The following PTPRM variants were observed in gnomAD, a reference collection of about 807,000 sequenced individuals.
The protein encoded by PTPRM is receptor-type tyrosine-protein phosphatase mu.
A neutral mutation model predicts 186.7 loss-of-function variants in PTPRM; 47 were observed. That is an observed-to-expected ratio of 0.25 (90% CI 0.20 to 0.32). The LOEUF (loss-of-function observed/expected upper bound fraction) is 0.32. Ranked by LOEUF, PTPRM falls within the 10% of genes least tolerant of loss-of-function variation. The pLI is 1.00. For missense variants in PTPRM, 1,494 were observed against 1,865.0 expected (o/e 0.80, Z 3.66); for synonymous variants, 668 against 674.9 (o/e 0.99, Z 0.16).
chr18:8,197,832 A>C (rs1255896434), intron 14 of PTPRM, among the ~76,000 whole-genome samples: 1 of 152,174 alleles, frequency 6.6e-6, no homozygotes, highest in African/African-American at 2.4e-5. Flanking sequence ...AATATTCTCT[A>C]ATTCTTTGAT....
At chr18:7,728,343 T>C (rs2040589534) in intron 1 of PTPRM, among the ~76,000 whole-genome samples, 1 of 152,146 alleles carries the variant, frequency 6.6e-6, no homozygotes. Flanking sequence ...GGGTGGAATT[T>C]ATTAACCTCT....
At chr18:7,678,418 C>T (rs1473187561) in intron 1 of PTPRM, among the ~76,000 whole-genome samples, 1 of 152,164 alleles carries the variant, frequency 6.6e-6, no homozygotes, top group Non-Finnish European at 1.5e-5. Context: ...GGATGGAGTT[C>T]TGTATATGAG....
chr18:7,880,498 A>G (rs944374876), intron 2 of PTPRM, among the ~76,000 whole-genome samples: 1 of 152,150 alleles, frequency 6.6e-6, no homozygotes, highest in African/African-American at 2.4e-5. Context: ...TAAGTATTTT[A>G]TGTTTGTAGG....
chr18:7,716,457 C>T (rs2040333878), intron 1 of PTPRM, among the ~76,000 whole-genome samples: 3 of 152,106 alleles, frequency 2.0e-5, no homozygotes, highest in African/African-American at 7.2e-5. Flanking sequence ...ACACCAAAAG[C>T]AATGGCAACA....
chr18:8,064,733 C>A (rs2088922570), intron 7 of PTPRM, among the ~76,000 whole-genome samples: 1 of 152,214 alleles, frequency 6.6e-6, no homozygotes. Context: ...CTGGAAAGCA[C>A]TGACCAATTG....
chr18:7,819,419 A>C (rs971992647), intron 2 of PTPRM, among the ~76,000 whole-genome samples: 1 of 43,304 alleles, frequency 2.3e-5, no homozygotes, highest in African/African-American at 4.5e-5. Context: ...GCACACCGAC[A>C]AAAGAGCACA....
At chr18:8,017,334 T>G (rs1419901899) in intron 7 of PTPRM, among the ~76,000 whole-genome samples, 2 of 152,078 alleles carry the variant, frequency 1.3e-5, no homozygotes, top group African/African-American at 4.8e-5. Context: ...GTCAGGAGTT[T>G]GGGACCAGCC....
intron 2 of PTPRM, among the ~76,000 whole-genome samples, chr18:7,778,514 T>G (rs780880643): frequency 6.6e-6 from 1 of 152,042 alleles, no homozygotes; most frequent in Non-Finnish European, 1.5e-5. Context: ...CAGGCTGGAG[T>G]GAAGTGGCAC....
intron 23 of PTPRM, chr18:8,361,029 C>G (rs1374653962): frequency 1.3e-5 from 2 of 152,164 alleles, no homozygotes; most frequent in East Asian, 1.9e-4. Context: ...TTGGGCAGGT[C>G]ATATATCATG....
intron 9 of PTPRM, among the ~76,000 whole-genome samples, chr18:8,082,676 T>C (rs2090197518): frequency 6.6e-6 from 1 of 151,922 alleles, no homozygotes; most frequent in Non-Finnish European, 1.5e-5. Flanking sequence ...TAGGGAGTGG[T>C]ACCAGGCTCC....
At chr18:8,106,193 T>C (rs368853821) in intron 11 of PTPRM, among the ~76,000 whole-genome samples, 5 of 152,312 alleles carry the variant, frequency 3.3e-5, no homozygotes, top group African/African-American at 1.2e-4. Flanking sequence ...GGGGCATACC[T>C]GCTGGGACCT....
chr18:8,232,462 A>G (rs1249594996), intron 14 of PTPRM, among the ~76,000 whole-genome samples: 1 of 152,252 alleles, frequency 6.6e-6, no homozygotes, highest in Non-Finnish European at 1.5e-5. Flanking sequence ...TTGGGTAAAT[A>G]GCAAGGAGCA....
rs866703456 is a variant in PTPRM at position 8,059,061 on chromosome 18, C to T, written c.1133-10625C>T. ...ACCTTGGGCAGTATGGCCATTTTCA[C>T]GATATTGATTCTTCCTACCCATGAG... On this transcript the variant is annotated intron_variant, in intron 7 of 32. Transcript: ENST00000580170. 1.9e-4 allele frequency among the ~76,000 whole-genome samples: 27 copies of T among 143,600 alleles called. No individual in the cohort carries two copies. The East Asian group carries it at 2.4e-3, about 13-fold the overall frequency. 94.2% of individuals were successfully genotyped at this position (143,600 alleles called of 152,430 possible).
At chr18:7,949,459 T>G in intron 6 of PTPRM, 104 bp downstream of exon 6, 1 of 973,394 alleles carries the variant, frequency 1.0e-6, no homozygotes, top group Non-Finnish European at 1.4e-6. Context: ...TGTCTGTTTC[T>G]GAGCAGTGGT....
intron 22 of PTPRM, among the ~76,000 whole-genome samples, chr18:8,327,099 CTG>C (rs1398815820): frequency 1.3e-5 from 2 of 152,186 alleles, no homozygotes; most frequent in Admixed American, 6.5e-5. Flanking sequence ...CAAACTTAAA[CTG>C]TGCATAGTTA....
At chr18:8,104,766 A>G (rs892209155) in intron 11 of PTPRM, among the ~76,000 whole-genome samples, 5 of 152,198 alleles carry the variant, frequency 3.3e-5, no homozygotes, top group African/African-American at 7.2e-5. Flanking sequence ...TTGTTTAGCC[A>G]TATAATTTTG....
At chr18:7,678,082 G>T (rs572208286) in intron 1 of PTPRM, among the ~76,000 whole-genome samples, 12 of 152,050 alleles carry the variant, frequency 7.9e-5, no homozygotes, top group Non-Finnish European at 1.8e-4. Flanking sequence ...AATGAAAGAG[G>T]GGGGAAGGAA....
intron 5 of PTPRM, among the ~76,000 whole-genome samples, chr18:7,948,736 T>C (rs2052727164): frequency 1.3e-5 from 2 of 152,344 alleles, no homozygotes; most frequent in Admixed American, 6.5e-5. Flanking sequence ...TATAGTTGAA[T>C]GTTATTCTTA....
intron 1 of PTPRM, among the ~76,000 whole-genome samples, chr18:7,727,493 T>C (rs1263784931): frequency 6.6e-6 from 1 of 152,228 alleles, no homozygotes; most frequent in East Asian, 1.9e-4. Context: ...TTCCCACTTT[T>C]TTTTGTCATG....
Sources: allele counts gnomAD v4.1 joint callset (sites outside exome capture counted in the v4.1 genomes callset), GRCh38; gene constraint gnomAD v4.1.1; transcripts MANE v1.5; gene names NCBI Gene and HGNC (gene_info 2026-07-23, HGNC 2026-07-21).